Variants in PCDHGB2 observed in about 807,000 individuals in gnomAD.
PCDHGB2 encodes protocadherin gamma-B2.
A neutral mutation model predicts 59.3 loss-of-function variants in PCDHGB2; 55 were observed. The observed-to-expected ratio is 0.93, with a 90% confidence interval of 0.75 to 1.16. The LOEUF (loss-of-function observed/expected upper bound fraction) is 1.16, where lower values mean the gene tolerates loss of function less well. Ranked by LOEUF, PCDHGB2 falls within the 50% of genes most tolerant of loss-of-function variation. PCDHGB2 has a pLI of 0.00. For missense variants in PCDHGB2, 1,228 were observed against 1,198.5 expected, an observed-to-expected ratio of 1.02 and a Z score of -0.36; for synonymous variants, 516 against 512.0, an observed-to-expected ratio of 1.01 and a Z score of -0.11.
intron 1 of PCDHGB2, chr5:141,410,485 A>C (rs1277289074): frequency 6.2e-7 from 1 of 1,613,898 alleles, no homozygotes; most frequent in Admixed American, 1.7e-5. Context: ...ATACGGGTAC[A>C]AAAGAGTTTA....
chr5:141,430,666 G>A (rs2097301396), intron 1 of PCDHGB2: 1 of 1,222,518 alleles, frequency 8.2e-7, no homozygotes, highest in Admixed American at 2.7e-5. Flanking sequence ...GAGGAGCTCT[G>A]ACTTCCCAAC....
intron 1 of PCDHGB2, chr5:141,370,194 T>C: frequency 3.8e-6 from 2 of 525,176 alleles, no homozygotes; most frequent in East Asian, 3.0e-5. Flanking sequence ...TGGCTAGTGC[T>C]GTGCAAAATA....
At position 141,443,088 on chromosome 5, in the gene PCDHGB2, T is replaced by C. The variant is rs188899890; in HGVS notation, c.2422-51719T>C. On this transcript the variant is annotated intron_variant, in intron 1 of 3. Transcript: ENST00000522605. ...CGTCTTATGACTGAGTGTTCCAGTC[T>C]CCTTCTCAAGCTGAACCTTGCTTTT... is the stretch of plus-strand genomic sequence containing the variant. 2.9e-3 allele frequency among the ~76,000 whole-genome samples: 446 copies of C among 152,092 alleles called. 1 individual carries two copies. Among genetic ancestry groups the C allele is most frequent in the Middle Eastern group, 0.014 (4 of 294 alleles).
At chr5:141,389,871 G>A (rs199638280) in intron 1 of PCDHGB2, 73 of 1,613,938 alleles carry the variant, frequency 4.5e-5, no homozygotes, top group Non-Finnish European at 5.8e-5. Flanking sequence ...CCTGGTCTTC[G>A]CCGACAGCTT....
At chr5:141,447,947 A>G (rs2098555998) in intron 1 of PCDHGB2, among the ~76,000 whole-genome samples, 1 of 151,958 alleles carries the variant, frequency 6.6e-6, no homozygotes, top group South Asian at 2.1e-4. Flanking sequence ...TTAGCTGGGC[A>G]TGGTGGCGGA....
chr5:141,422,310 T>A, intron 1 of PCDHGB2: 1 of 1,546,532 alleles, frequency 6.5e-7, no homozygotes, highest in Non-Finnish European at 8.7e-7. Flanking sequence ...TGGAAAACTC[T>A]CCTCCAGGTA....
Position 141,406,737 on chromosome 5 carries a change from T to C in PCDHGB2, c.2421+44181T>C, listed in dbSNP as rs540886306. 1.1e-4 allele frequency among the ~76,000 whole-genome samples: 16 copies of C among 152,348 alleles called. No homozygotes were observed. The South Asian group carries it at 3.3e-3, about 32-fold the overall frequency. ...AAGAGAAGTTTCTAAGACTGGACAC[T>C]GTGAAATGACAAAACAAGGAATTAA... On this transcript the variant is annotated intron_variant, in intron 1 of 3. Coordinates refer to ENST00000522605, the MANE Select transcript of PCDHGB2 (RefSeq NM_018923.3).
intron 2 of PCDHGB2, among the ~76,000 whole-genome samples, chr5:141,502,517 G>A (rs1333510345): frequency 1.3e-5 from 2 of 152,128 alleles, no homozygotes; most frequent in Admixed American, 6.6e-5. Flanking sequence ...CCCACTATCA[G>A]TGATGCCGAG....
At chr5:141,402,946 G>A (rs1012771364) in intron 1 of PCDHGB2, 1 of 1,592,686 alleles carries the variant, frequency 6.3e-7, no homozygotes, top group African/African-American at 1.4e-5. Flanking sequence ...TCCAAAGCGA[G>A]GCAGCAATGG....
At position 141,489,384 on chromosome 5, in the gene PCDHGB2, T is replaced by G; in HGVS notation, c.2422-5423T>G. The G allele has an allele frequency of 6.2e-7, 1 of 1,613,986 alleles. No individual in the cohort carries two copies. The highest frequency in any genetic ancestry group is 1.3e-5 in the African/African-American group (1 of 75,042). On this transcript the variant is annotated intron_variant, in intron 1 of 3. Transcript: ENST00000522605. This position sits in a 1 kb window ranked among gnomAD's most constrained non-coding sequence, Gnocchi z 4.5. ...AGCCGGGGACGCTGGTGGGGAATGT[T>G]GCTCAGGATCTGGGCTTAAAGATGA...
chr5:141,372,168 G>T, intron 1 of PCDHGB2: 1 of 1,613,754 alleles, frequency 6.2e-7, no homozygotes. Flanking sequence ...GACCAAGGTG[G>T]TGGCGGTGGA....
At position 141,430,895 on chromosome 5, in the gene PCDHGB2, G is replaced by A. The variant is rs775296800; in HGVS notation, c.2422-63912G>A. 6.9e-6 allele frequency: 11 copies of A among 1,605,692 alleles called. No individual in the cohort carries two copies. The Admixed American group carries it at 1.0e-4, about 15-fold the overall frequency. ...AGAGCTGGAGAAAGGCTCTAGGGTG[G>A]GCGACATCTCCAGGGACCTGGGGCT... On this transcript the variant is annotated intron_variant, in intron 1 of 3. Coordinates refer to ENST00000522605, the MANE Select transcript of PCDHGB2 (RefSeq NM_018923.3).
chr5:141,394,558 C>T (rs2093032633), intron 1 of PCDHGB2: 4 of 1,614,108 alleles, frequency 2.5e-6, no homozygotes, highest in Non-Finnish European at 3.4e-6. Flanking sequence ...CCCCGCTCCG[C>T]AGAGCGTGGC....
rs1474643025 is a variant in PCDHGB2 at position 141,370,777 on chromosome 5, AC to A, written c.2421+8222del. 10 of 1,613,896 alleles carry A rather than the reference AC, an allele frequency of 6.2e-6. No homozygotes were observed. The African/African-American group carries it at 1.2e-4, about 19-fold the overall frequency. ...ACTGTGCTGATCCAGGATATTAACG[AC>A]AACCCACCGACCTTTAGCCAAAATA... On this transcript the variant is annotated intron_variant, in intron 1 of 3. Transcript: ENST00000522605.
Position 141,388,371 on chromosome 5 carries a change from G to C in PCDHGB2, c.2421+25815G>C, listed in dbSNP as rs757960562. ...AGGATCTGCCCATGATGCGGATATT[G>C]GTAGCAACACACTGCAGAATTACCA... On this transcript the variant is annotated intron_variant, in intron 1 of 3. Transcript: ENST00000522605. 3.8e-5 allele frequency: 61 copies of C among 1,613,854 alleles called. No homozygotes were observed. In the South Asian group the frequency reaches 6.1e-4, roughly 16 times the overall value.
chr5:141,421,379 A>G, intron 1 of PCDHGB2: 1 of 1,614,054 alleles, frequency 6.2e-7, no homozygotes, highest in Non-Finnish European at 8.5e-7. Flanking sequence ...AATATCTCCA[A>G]GGACCTGGGG....
At chr5:141,428,750 C>G (rs1282306626) in intron 1 of PCDHGB2, 1 of 154,730 alleles carries the variant, frequency 6.5e-6, no homozygotes, top group African/African-American at 2.4e-5. Flanking sequence ...ACTATTGCTT[C>G]AGGTTTGTTT....
At chr5:141,441,663 G>A (rs777315226) in intron 1 of PCDHGB2, 20 of 260,482 alleles carry the variant, frequency 7.7e-5, no homozygotes, top group Non-Finnish European at 1.2e-4. Context: ...GTCCTTGAGC[G>A]CACAGTGCGC....
chr5:141,385,101 C>A (rs1373310406), intron 1 of PCDHGB2: 2 of 1,614,194 alleles, frequency 1.2e-6, no homozygotes, highest in East Asian at 2.2e-5. Flanking sequence ...GCTTGGCGAA[C>A]GTGCCCACCT....
Sources: allele counts gnomAD v4.1 joint callset (sites outside exome capture counted in the v4.1 genomes callset), GRCh38; gene constraint gnomAD v4.1.1; non-coding constraint Gnocchi (gnomAD v3.1); transcripts MANE v1.5; gene names NCBI Gene and HGNC (gene_info 2026-07-23, HGNC 2026-07-21).